The following KSR2 variants were observed in gnomAD, a reference collection of about 807,000 sequenced individuals.
KSR2 encodes the protein kinase suppressor of ras 2.
A neutral mutation model predicts 107.8 loss-of-function variants in KSR2; 25 were observed. The observed-to-expected ratio is 0.23, with a 90% CI of 0.17 to 0.32. The LOEUF is 0.32. Ranked by LOEUF, KSR2 falls within the 10% of genes least tolerant of loss-of-function variation. The pLI is 1.00. For missense variants in KSR2, 887 were observed against 1,268.9 expected, an observed-to-expected ratio of 0.70 and a Z score of 4.57; for synonymous variants, 480 against 507.0, an observed-to-expected ratio of 0.95 and a Z score of 0.71.
At chr12:117,811,912 A>T (rs1216329739) in intron 3 of KSR2, among the ~76,000 whole-genome samples, 1 of 152,198 alleles carries the variant, frequency 6.6e-6, no homozygotes, top group Non-Finnish European at 1.5e-5. Flanking sequence ...GAAGTTCACA[A>T]CCTGCCTGCT....
At chr12:117,582,091 G>C (rs1879698100) in intron 6 of KSR2, among the ~76,000 whole-genome samples, 199 bp downstream of exon 6, 1 of 152,160 alleles carries the variant, frequency 6.6e-6, no homozygotes, top group Non-Finnish European at 1.5e-5. Context: ...TTTTATAAGG[G>C]TCAGATTAGT....
intron 6 of KSR2, among the ~76,000 whole-genome samples, chr12:117,579,943 G>T (rs2136238199): frequency 6.6e-6 from 1 of 152,300 alleles, no homozygotes; most frequent in East Asian, 1.9e-4. Flanking sequence ...TTGCCAGGGT[G>T]CTTTCTTCCC....
chr12:117,514,634 A>T, intron 14 of KSR2, among the ~76,000 whole-genome samples: 1 of 147,700 alleles, frequency 6.8e-6, no homozygotes, highest in Non-Finnish European at 1.5e-5. Flanking sequence ...CTGCAGCCTC[A>T]GTCTCCCAGG....
chr12:117,494,272 C>T (rs1224340237), intron 14 of KSR2, among the ~76,000 whole-genome samples: 1 of 150,766 alleles, frequency 6.6e-6, no homozygotes, highest in African/African-American at 2.5e-5. Context: ...TAGTGTACCA[C>T]ACCTGGTCTA....
At chr12:117,562,120 G>T (rs898533005) in intron 7 of KSR2, among the ~76,000 whole-genome samples, 1 of 152,164 alleles carries the variant, frequency 6.6e-6, no homozygotes, top group African/African-American at 2.4e-5. Context: ...CAAGGGTAGG[G>T]GAAGCCGAGT....
chr12:117,481,261 G>T (rs1476806989), intron 16 of KSR2, among the ~76,000 whole-genome samples: 7 of 152,126 alleles, frequency 4.6e-5, no homozygotes, highest in Non-Finnish European at 1.0e-4. Context: ...AGGTATTATA[G>T]ACTGAATTTT....
chr12:117,509,845 A>C (rs1873919809), intron 14 of KSR2, among the ~76,000 whole-genome samples: 1 of 152,204 alleles, frequency 6.6e-6, no homozygotes, highest in African/African-American at 2.4e-5. Context: ...TAGAAGAAAC[A>C]ATCTTCTTTT....
At chr12:117,949,036 G>A (rs1253888370) in intron 1 of KSR2, among the ~76,000 whole-genome samples, 1 of 152,182 alleles carries the variant, frequency 6.6e-6, no homozygotes, top group African/African-American at 2.4e-5. Flanking sequence ...TGAGGTTGCA[G>A]CGAGCTGAGA....
At chr12:117,473,070 G>A (rs987039328) in intron 17 of KSR2, among the ~76,000 whole-genome samples, 4 of 152,116 alleles carry the variant, frequency 2.6e-5, no homozygotes, top group African/African-American at 9.7e-5. Flanking sequence ...ACCAGAGCCT[G>A]CTGAAATCAT....
At chr12:117,468,075 C>T (rs1871248297) in intron 19 of KSR2, among the ~76,000 whole-genome samples, 1 of 152,214 alleles carries the variant, frequency 6.6e-6, no homozygotes, top group Admixed American at 6.5e-5. Context: ...CTTGCCAGCA[C>T]TCCTTTAGCT....
chr12:117,684,467 G>C (rs763108432), intron 4 of KSR2, among the ~76,000 whole-genome samples: 16 of 152,190 alleles, frequency 1.1e-4, no homozygotes, highest in Non-Finnish European at 2.1e-4. Context: ...CCATGGAAAT[G>C]AGCAGGGAGG....
intron 1 of KSR2, among the ~76,000 whole-genome samples, chr12:117,957,432 C>T: frequency 6.6e-6 from 1 of 152,110 alleles, no homozygotes; most frequent in East Asian, 1.9e-4. Context: ...CATCTTTCAG[C>T]TTCTCCATCC....
chr12:117,654,937 C>T (rs988702284), intron 5 of KSR2, among the ~76,000 whole-genome samples: 1 of 152,180 alleles, frequency 6.6e-6, no homozygotes, highest in African/African-American at 2.4e-5. Context: ...GGAGGTTACG[C>T]ATTGGCTCAG....
At chr12:117,848,850 A>ATGATGGTGGTGG (rs1555249551) in intron 3 of KSR2, among the ~76,000 whole-genome samples, 1 of 87,044 alleles carries the variant, frequency 1.1e-5, no homozygotes, top group Non-Finnish European at 3.0e-5. Flanking sequence ...GGTGATGGTG[A>ATGATGGTGGTGG]TGATGGTGAT....
chr12:117,501,505 T>C (rs899730234), intron 14 of KSR2, among the ~76,000 whole-genome samples: 13 of 152,218 alleles, frequency 8.5e-5, no homozygotes, highest in Admixed American at 1.3e-4. Flanking sequence ...TTTGTGCCTC[T>C]ATGCATGTGC....
At chr12:117,921,514 C>T (rs1167729583) in intron 1 of KSR2, among the ~76,000 whole-genome samples, 1 of 152,102 alleles carries the variant, frequency 6.6e-6, no homozygotes, top group African/African-American at 2.4e-5. Context: ...CTCAGCTTCC[C>T]AGGACACTTC....
At chr12:117,532,808 T>C (rs926804038) in intron 10 of KSR2, among the ~76,000 whole-genome samples, 5 of 152,080 alleles carry the variant, frequency 3.3e-5, no homozygotes, top group African/African-American at 9.7e-5. Context: ...GACACAGAGA[T>C]TTGTGTCCTT....
At chr12:117,485,015 G>T (rs561061440) in intron 15 of KSR2, among the ~76,000 whole-genome samples, 1 of 152,166 alleles carries the variant, frequency 6.6e-6, no homozygotes, top group African/African-American at 2.4e-5. Context: ...TGGAGGCCTC[G>T]TTCAAGGGCA....
At chr12:117,843,595 G>T (rs1205284816) in intron 3 of KSR2, among the ~76,000 whole-genome samples, 1 of 152,238 alleles carries the variant, frequency 6.6e-6, no homozygotes, top group Non-Finnish European at 1.5e-5. Flanking sequence ...ATGCCCTGAA[G>T]AGTAACATGG....
Sources: allele counts gnomAD v4.1 joint callset (sites outside exome capture counted in the v4.1 genomes callset), GRCh38; gene constraint gnomAD v4.1.1; transcripts MANE v1.5; gene names NCBI Gene and HGNC (gene_info 2026-07-23, HGNC 2026-07-21).